The following TMEM30A variants were observed in gnomAD, a reference collection of about 807,000 sequenced individuals.
The protein encoded by TMEM30A is cell division cycle 50 P4-ATPase accessory subunit A.
A neutral mutation model predicts 38.2 loss-of-function variants in TMEM30A; 24 were observed. The observed-to-expected ratio is 0.63, with a 90% CI of 0.46 to 0.88. The LOEUF is 0.88. Ranked by LOEUF, TMEM30A falls within the 40% of genes least tolerant of loss-of-function variation. The probability of loss-of-function intolerance (pLI) is 0.00; values close to 1 mark genes in which losing one functional copy is unlikely to be tolerated. For synonymous variants in TMEM30A, 145 were observed against 161.6 expected (o/e 0.90, Z 0.78); for missense variants, 370 against 458.6 (o/e 0.81, Z 1.77).
chr6:75,280,036 G>A, intron 1 of TMEM30A, among the ~76,000 whole-genome samples: 1 of 152,130 alleles, frequency 6.6e-6, no homozygotes, highest in Non-Finnish European at 1.5e-5. Context: ...AGACCTTAAT[G>A]AAGACAAAAG....
chr6:75,260,900 C>G lies in TMEM30A; in HGVS notation c.465G>C (p.Lys155Asn). The part of the protein sequence containing the change: ...GDSSALLNPS[K>N]ECEPYRRNED... ...CATTTCTTCGATAAGGTTCACATTC[C>G]TTACTGGGATTCTGGTTTTTACAAG... is the stretch of plus-strand genomic sequence containing the variant. Residue 155 changes from lysine (K) to asparagine (N), a missense_variant, in exon 4 of 7, where the codon AAG becomes AAC. Coordinates refer to ENST00000230461, the MANE Select transcript of TMEM30A (RefSeq NM_018247.4). 1.3e-6 allele frequency: 2 copies of G among 1,597,052 alleles called. No homozygotes were observed. Among genetic ancestry groups the G allele is most frequent in the Middle Eastern group, 3.3e-4 (2 of 5,972 alleles).
In TMEM30A at chr6:75,253,812, T is replaced by A. The variant is rs946721628; in HGVS notation, c.*2290A>T. 25 of 152,562 alleles carry A rather than the reference T, an allele frequency of 1.6e-4. No homozygotes were observed. The highest frequency in any genetic ancestry group is 1.5e-3 in the Admixed American group (23 of 15,262). 9.5% of individuals were successfully genotyped at this position (152,562 alleles called of 1,614,324 possible). A position where few individuals can be genotyped will look rare whatever the true frequency, so the allele number is the denominator to read the frequency against. ...TGCTTAAACTGCCTTATGATTTCAA[T>A]GAAATTTCTTAGCTTTTACTTGTTG... On this transcript the variant is annotated 3_prime_UTR_variant, in exon 7 of 7. Transcript: ENST00000230461.
intron 1 of TMEM30A, among the ~76,000 whole-genome samples, chr6:75,282,988 A>G (rs974796933): frequency 6.6e-6 from 1 of 152,198 alleles, no homozygotes; most frequent in African/African-American, 2.4e-5. Context: ...GGTTAGAACA[A>G]GTACTACATT....
intron 1 of TMEM30A, among the ~76,000 whole-genome samples, chr6:75,274,998 G>A (rs139720073): frequency 0.018 from 2,283 of 124,654 alleles, 64 homozygotes; most frequent in African/African-American, 0.064. Flanking sequence ...GTGACAGATC[G>A]AGACTCTGTC....
chr6:75,284,727 T>C lies in TMEM30A; in HGVS notation c.-89A>G, dbSNP rs1405164080. On this transcript the variant is annotated 5_prime_UTR_variant, in exon 1 of 7. Coordinates refer to ENST00000230461, the MANE Select transcript of TMEM30A (RefSeq NM_018247.4). ...CTGACAGGAACCGCTCGAGCGCCGC[T>C]GCCGCCGCCGCCGCCGCAGCCACCA... is the stretch of plus-strand genomic sequence containing the variant. The C allele has an allele frequency of 3.7e-6, 5 of 1,355,022 alleles. No individual in the cohort carries two copies. The highest frequency in any genetic ancestry group is 1.2e-5 in the South Asian group (1 of 85,492). The allele number at this position is 1,355,022 out of a possible 1,614,324, so 83.9% of individuals were successfully genotyped here. A position where few individuals can be genotyped will look rare whatever the true frequency, so the allele number is the denominator to read the frequency against.
chr6:75,260,491 A>G (rs1771947306), intron 4 of TMEM30A, among the ~76,000 whole-genome samples: 1 of 152,232 alleles, frequency 6.6e-6, no homozygotes, highest in Admixed American at 6.5e-5. Flanking sequence ...TTATATTTCT[A>G]TCAGATAGTG....
chr6:75,281,273 A>G (rs1772352296), intron 1 of TMEM30A, among the ~76,000 whole-genome samples: 1 of 152,180 alleles, frequency 6.6e-6, no homozygotes, highest in African/African-American at 2.4e-5. Flanking sequence ...TCTGTATCTC[A>G]GTCTCACCAA....
At chr6:75,267,791 G>C (rs200402238) in intron 1 of TMEM30A, 43 bp from the exon 2 acceptor site, 221 of 1,390,070 alleles carry the variant, frequency 1.6e-4, no homozygotes, top group South Asian at 1.1e-3. Flanking sequence ...TAGAGAAAGT[G>C]GATACCTAAA....
rs544957765 is a variant in TMEM30A, at chr6:75,258,387, C to G, written c.892+393G>C. ...ACAATTACATTGATACAAATTAACA[C>G]ATCCGTTGATTTTTAATATCTAAAA... On this transcript the variant is annotated intron_variant, in intron 6 of 6. Transcript: ENST00000230461. Among the ~76,000 whole-genome samples the G allele has an allele frequency of 8.5e-5, 13 of 152,162 alleles. 1 individual carries two copies. The South Asian group carries it at 2.7e-3, about 32-fold the overall frequency.
At chr6:75,281,373 C>T (rs929048364) in intron 1 of TMEM30A, among the ~76,000 whole-genome samples, 3 of 152,014 alleles carry the variant, frequency 2.0e-5, no homozygotes, top group Admixed American at 6.6e-5. Context: ...TTCCCTGCTC[C>T]TGATAATAAA....
chr6:75,284,321 G>A (rs1772418478), intron 1 of TMEM30A, 81 bp downstream of exon 1: 1 of 1,366,922 alleles, frequency 7.3e-7, no homozygotes, highest in Non-Finnish European at 1.0e-6. Flanking sequence ...TGGATTCTGG[G>A]CGCTGGGAAA....
At position 75,254,929 on chromosome 6, in the gene TMEM30A, T is replaced by C. The variant is rs994714035; in HGVS notation, c.*1173A>G. On this transcript the variant is annotated 3_prime_UTR_variant, in exon 7 of 7. Coordinates refer to ENST00000230461, the MANE Select transcript of TMEM30A (RefSeq NM_018247.4). The stretch of plus-strand genomic sequence containing the variant: ...TAAAATAACTTCAACCATATACATA[T>C]TATAATTTATCATGTACATACTCCA... 5.9e-5 allele frequency: 9 copies of C among 152,514 alleles called. No homozygotes were observed. The highest frequency in any genetic ancestry group is 2.2e-4 in the African/African-American group (9 of 41,436). 9.4% of individuals were successfully genotyped at this position (152,514 alleles called of 1,614,324 possible).
At chr6:75,268,190 T>C (rs115040907) in intron 1 of TMEM30A, among the ~76,000 whole-genome samples, 1,673 of 152,312 alleles carry the variant, frequency 0.011, 27 homozygotes, top group African/African-American at 0.037. Flanking sequence ...AGAGCTACTG[T>C]TTTTTCAACA....
At chr6:75,264,488 T>C (rs1402535558) in intron 3 of TMEM30A, among the ~76,000 whole-genome samples, 1 of 151,702 alleles carries the variant, frequency 6.6e-6, no homozygotes, top group Non-Finnish European at 1.5e-5. Context: ...ATACAAAAAT[T>C]AGCCGGGCTT....
chr6:75,257,246 C>T (rs1472871884), intron 6 of TMEM30A, among the ~76,000 whole-genome samples: 1 of 152,176 alleles, frequency 6.6e-6, no homozygotes, highest in Non-Finnish European at 1.5e-5. Context: ...TCTCCCAAAC[C>T]TAAAGAAACA....
Position 75,274,794 on chromosome 6 carries a change from C to T in TMEM30A, c.238-7046G>A, listed in dbSNP as rs113814349. ...ATCCCAGCACTTTGGGAGGCCAAGG[C>T]GAGCGGATCATGAGGTCAGGAGATC... On this transcript the variant is annotated intron_variant, in intron 1 of 6. Coordinates refer to ENST00000230461, the MANE Select transcript of TMEM30A (RefSeq NM_018247.4). Among the ~76,000 whole-genome samples the T allele has an allele frequency of 9.3e-4, 141 of 152,092 alleles. 1 individual carries two copies. Among genetic ancestry groups the T allele is most frequent in the African/African-American group, 3.3e-3 (139 of 41,502 alleles).
intron 1 of TMEM30A, among the ~76,000 whole-genome samples, chr6:75,268,399 C>T (rs569714227): frequency 1.3e-5 from 2 of 152,316 alleles, no homozygotes. Flanking sequence ...TGGCCCAGCC[C>T]AATCTCTTAG....
intron 1 of TMEM30A, among the ~76,000 whole-genome samples, chr6:75,275,466 C>G (rs1284453344): frequency 6.6e-6 from 1 of 152,260 alleles, no homozygotes; most frequent in African/African-American, 2.4e-5. Flanking sequence ...TTCTGCTTCC[C>G]CCACCACATC....
At chr6:75,259,776 G>A (rs1771932757) in intron 4 of TMEM30A, among the ~76,000 whole-genome samples, 1 of 152,134 alleles carries the variant, frequency 6.6e-6, no homozygotes, top group Admixed American at 6.5e-5. Context: ...ATAATTGCAA[G>A]GTAAATCTGC....
Sources: gnomAD v4.1 joint callset for allele counts (sites outside exome capture counted in the v4.1 genomes callset) on GRCh38, gnomAD v4.1.1 for gene constraint, MANE v1.5 for transcripts, NCBI Gene and HGNC (gene_info 2026-07-23, HGNC 2026-07-21) for gene names.